The following ZFPM1 variants were observed in gnomAD, a reference collection of about 807,000 sequenced individuals.
ZFPM1 encodes zinc finger protein, FOG family member 1, also known as zinc finger protein ZFPM1.
A neutral mutation model predicts 46.3 loss-of-function variants in ZFPM1; 28 were observed. The ratio of observed to expected loss-of-function variants is 0.60; its 90% CI spans 0.45 to 0.83. The LOEUF (loss-of-function observed/expected upper bound fraction) is 0.83, where lower values mean the gene tolerates loss of function less well. Ranked by LOEUF, ZFPM1 falls within the 40% of genes least tolerant of loss-of-function variation. ZFPM1 has a pLI of 0.00. For missense variants in ZFPM1, 1,878 were observed against 1,432.4 expected, an observed-to-expected ratio of 1.31 and a Z score of -5.02; for synonymous variants, 957 against 675.9, an observed-to-expected ratio of 1.42 and a Z score of -6.45.
intron 1 of ZFPM1, among the ~76,000 whole-genome samples, chr16:88,483,339 G>A (rs1028315869): frequency 1.3e-5 from 2 of 151,602 alleles, no homozygotes; most frequent in Non-Finnish European, 2.9e-5. Flanking sequence ...CCTCCTCCCC[G>A]TGGCCTCTGA....
Position 88,536,288 on chromosome 16 carries a change from CA to C in ZFPM1, c.*1310del, listed in dbSNP as rs1387738825. ...CTGAGCTGAAACCATCTTCCTGCCT[CA>C]GCCTCCCAAGTAGCTGGGACTACAG... On this transcript the variant is annotated 3_prime_UTR_variant, in exon 10 of 10. Transcript: ENST00000319555. The C allele has an allele frequency of 1.3e-5, 2 of 152,240 alleles. No homozygotes were observed. Among genetic ancestry groups the C allele is most frequent in the African/African-American group, 2.4e-5 (1 of 41,442 alleles). The allele number at this position is 152,240 out of a possible 1,614,324, so 9.4% of individuals were successfully genotyped here.
chr16:88,526,369 C>T (rs1253776396), intron 4 of ZFPM1, among the ~76,000 whole-genome samples: 2 of 152,196 alleles, frequency 1.3e-5, no homozygotes, highest in Non-Finnish European at 2.9e-5. Context: ...GTGGAAGGAG[C>T]CTCTACCAGG....
chr16:88,521,521 C>T (rs1186745450), intron 4 of ZFPM1, among the ~76,000 whole-genome samples: 1 of 150,896 alleles, frequency 6.6e-6, no homozygotes, highest in African/African-American at 2.4e-5. Flanking sequence ...CTCCCCCGTG[C>T]TGTTCCCCCA....
At position 88,535,175 on chromosome 16, in the gene ZFPM1, G is replaced by A. The variant is rs1415104463; in HGVS notation, c.*196G>A. 4 of 576,746 alleles carry A rather than the reference G, an allele frequency of 6.9e-6. No individual in the cohort carries two copies. Among genetic ancestry groups the A allele is most frequent in the African/African-American group, 2.0e-5 (1 of 51,064 alleles). 35.7% of individuals were successfully genotyped at this position (576,746 alleles called of 1,614,324 possible). On this transcript the variant is annotated 3_prime_UTR_variant, in exon 10 of 10. Transcript: ENST00000319555. Reference sequence around the variant, plus strand: ...GTTCAGTTTGATGAGCATGGTGGTGGGCCAGCCTAGTTCTCTGAGCCAGCA... The same window carrying A: ...GTTCAGTTTGATGAGCATGGTGGTGAGCCAGCCTAGTTCTCTGAGCCAGCA...
At chr16:88,501,145 A>C (rs572227926) in intron 3 of ZFPM1, among the ~76,000 whole-genome samples, 234 of 125,846 alleles carry the variant, frequency 1.9e-3, no homozygotes, top group African/African-American at 7.1e-3. Flanking sequence ...GCCATCCCGC[A>C]GGTGCTGGTG....
chr16:88,479,269 C>T (rs1027524030), intron 1 of ZFPM1, among the ~76,000 whole-genome samples: 2 of 152,124 alleles, frequency 1.3e-5, no homozygotes, highest in African/African-American at 4.8e-5. Context: ...GCTGCTGCTA[C>T]CACTGCTCTC....
rs528833811 is a variant in ZFPM1 at position 88,533,371 on chromosome 16, G to A, written c.1413G>A (p.Glu471=). The A allele has an allele frequency of 2.4e-4, 371 of 1,529,444 alleles. 2 individuals are homozygous for A. In the African/African-American group the frequency reaches 4.4e-3, roughly 18 times the overall value. The allele number at this position is 1,529,444 out of a possible 1,614,324, so 94.7% of individuals were successfully genotyped here. Residue 471 remains glutamate, a synonymous_variant, in exon 10 of 10, where the codon GAG becomes GAA. Transcript: ENST00000319555. ...SIKVEAVEEP[E]AAPILGPGEP... ...AGGTGGAGGCGGTGGAGGAGCCGGA[G>A]GCGGCCCCCATCCTGGGCCCCGGAG...
chr16:88,533,398 G>A lies in ZFPM1; in HGVS notation c.1440G>A (p.Glu480=). The part of the protein sequence containing the change: ...PEAAPILGPG[E]PGPQAPSRTP... ...CGGCCCCCATCCTGGGCCCCGGAGA[G>A]CCTGGGCCCCAGGCCCCGTCGCGGA... Residue 480 remains glutamate, a synonymous_variant, in exon 10 of 10, where the codon GAG becomes GAA. Transcript: ENST00000319555. 4.6e-6 allele frequency: 7 copies of A among 1,513,986 alleles called. No homozygotes were observed. Among genetic ancestry groups the A allele is most frequent in the Non-Finnish European group, 6.1e-6 (7 of 1,138,574 alleles). 93.8% of individuals were successfully genotyped at this position (1,513,986 alleles called of 1,614,324 possible). A position where few individuals can be genotyped will look rare whatever the true frequency, so the allele number is the denominator to read the frequency against.
At chr16:88,517,267 T>G (rs1911386308) in intron 4 of ZFPM1, among the ~76,000 whole-genome samples, 1 of 127,338 alleles carries the variant, frequency 7.9e-6, no homozygotes, top group Non-Finnish European at 1.6e-5. Context: ...GATGGATGGA[T>G]GTGTGGTTGG....
intron 6 of ZFPM1, among the ~76,000 whole-genome samples, chr16:88,531,287 A>T (rs1457203460): frequency 6.6e-6 from 1 of 152,212 alleles, no homozygotes; most frequent in Non-Finnish European, 1.5e-5. Flanking sequence ...AGACAAACCG[A>T]GAACACGCTA....
chr16:88,528,465 A>C (rs537057786), intron 6 of ZFPM1, among the ~76,000 whole-genome samples: 1 of 152,224 alleles, frequency 6.6e-6, no homozygotes, highest in East Asian at 1.9e-4. Context: ...CCCTGCCAGC[A>C]GGCAAGCGGG....
intron 4 of ZFPM1, 93 bp downstream of exon 4, chr16:88,514,613 G>GGCCA: frequency 7.1e-7 from 1 of 1,414,990 alleles, no homozygotes; most frequent in African/African-American, 1.4e-5. Flanking sequence ...CCAGCTCCGG[G>GGCCA]GCTCTGGCCA....
rs1227287601 is a variant in ZFPM1, at chr16:88,476,169, A to C, written c.41-9770A>C. On this transcript the variant is annotated intron_variant, in intron 1 of 9. Transcript: ENST00000319555. ...AGGTGGGACTCAGCCTGGCTCACCC[A>C]CCCCAGGGTGAGCAGGCTGAGACCC... is the stretch of plus-strand genomic sequence containing the variant. 4.6e-5 allele frequency among the ~76,000 whole-genome samples: 7 copies of C among 151,512 alleles called. No individual in the cohort carries two copies. In the East Asian group the frequency reaches 1.4e-3, roughly 30 times the overall value.
chr16:88,488,505 G>A (rs1378062453), intron 2 of ZFPM1, among the ~76,000 whole-genome samples: 1 of 152,176 alleles, frequency 6.6e-6, no homozygotes, highest in Non-Finnish European at 1.5e-5. Context: ...TTTATACTGT[G>A]TGATTGACTT....
intron 4 of ZFPM1, among the ~76,000 whole-genome samples, chr16:88,521,591 T>C (rs1401696543): frequency 9.9e-6 from 1 of 100,768 alleles, no homozygotes; most frequent in Non-Finnish European, 1.9e-5. Flanking sequence ...CCCCAACCCA[T>C]GCTGTTCCTT....
At chr16:88,498,233 T>A (rs1910051473) in intron 3 of ZFPM1, among the ~76,000 whole-genome samples, 1 of 151,746 alleles carries the variant, frequency 6.6e-6, no homozygotes, top group Non-Finnish European at 1.5e-5. Context: ...ACTTCACAGC[T>A]GGGCAGAGGG....
chr16:88,474,074 G>C (rs1294695690), intron 1 of ZFPM1, among the ~76,000 whole-genome samples: 1 of 152,256 alleles, frequency 6.6e-6, no homozygotes, highest in Non-Finnish European at 1.5e-5. Context: ...TGAATGTTGA[G>C]TAAGCGCAGG....
chr16:88,474,585 G>A (rs1490322214), intron 1 of ZFPM1, among the ~76,000 whole-genome samples: 5 of 152,114 alleles, frequency 3.3e-5, no homozygotes, highest in Admixed American at 6.5e-5. Flanking sequence ...TTCGGGGGGC[G>A]GGGGGCTCTG....
chr16:88,470,291 C>T (rs147785261), intron 1 of ZFPM1, among the ~76,000 whole-genome samples: 41 of 152,318 alleles, frequency 2.7e-4, no homozygotes, highest in African/African-American at 9.9e-4. Flanking sequence ...TTGGGGCGGG[C>T]AGCCTCTGGA....
Sources: gnomAD v4.1 joint callset for allele counts (sites outside exome capture counted in the v4.1 genomes callset) on GRCh38, gnomAD v4.1.1 for gene constraint, MANE v1.5 for transcripts, NCBI Gene and HGNC (gene_info 2026-07-23, HGNC 2026-07-21) for gene names.